Variants in PLXNA4 observed in about 807,000 individuals in gnomAD.
PLXNA4 encodes the protein plexin-A4.
Under a neutral mutation model 191.8 loss-of-function variants are expected in PLXNA4, and 44 were observed. That is an observed-to-expected ratio of 0.23 (90% CI 0.18 to 0.29). The LOEUF is 0.29. PLXNA4 is among the 10% of genes least tolerant of loss of function. The pLI, the probability that PLXNA4 is intolerant of heterozygous loss-of-function variation, is 1.00. For synonymous variants in PLXNA4, 1,082 were observed against 1,009.5 expected (o/e 1.07, Z -1.36); for missense variants, 1,800 against 2,488.8 (o/e 0.72, Z 5.89).
upstream of PLXNA4, among the ~76,000 whole-genome samples, chr7:132,581,264 A>G (rs1409346803): frequency 2.6e-5 from 4 of 152,224 alleles, no homozygotes; most frequent in African/African-American, 9.6e-5. Context: ...GAGGGGAGGA[A>G]CATCCTTGTG....
At chr7:132,463,712 C>A (rs1796599065) in intron 3 of PLXNA4, among the ~76,000 whole-genome samples, 1 of 152,228 alleles carries the variant, frequency 6.6e-6, no homozygotes, top group Non-Finnish European at 1.5e-5. Context: ...CCATGAGGGC[C>A]ACTGTCTCTT....
intron 3 of PLXNA4, among the ~76,000 whole-genome samples, chr7:132,437,339 T>G (rs902138816): frequency 1.3e-5 from 2 of 152,076 alleles, no homozygotes; most frequent in African/African-American, 4.8e-5. Flanking sequence ...CCTTAAAGTA[T>G]CCGAAGAAAT....
Position 132,140,602 on chromosome 7 carries a change from T to C in PLXNA4, c.5435A>G (p.Glu1812Gly). 1 of 1,613,744 alleles carries C rather than the reference T, an allele frequency of 6.2e-7. No individual in the cohort carries two copies. The highest frequency in any genetic ancestry group is 2.2e-5 in the East Asian group (1 of 44,862). ...KDIPSYKNWV[E>G]RYYSDIGKMP... is the part of the protein sequence containing the mutation. ...GGCTCCGTGGCCCAGCACTCACCTC[T>C]CCACCCAATTCTTGTAGCTGGGGAT... is the stretch of plus-strand genomic sequence containing the variant. The change falls in exon 30 of 32, where the codon GAG (glutamate) becomes GGG (glycine). Residue 1812 changes from glutamate (E) to glycine (G), a missense_variant. Around this residue, in one of 6 missense-constraint regions of PLXNA4, gnomAD observed 101 missense variants for 182.8 expected, o/e 0.55. Transcript: ENST00000321063.
intron 4 of PLXNA4, among the ~76,000 whole-genome samples, chr7:132,275,952 G>T (rs546543467): frequency 1.7e-4 from 26 of 152,246 alleles, no homozygotes; most frequent in African/African-American, 6.0e-4. Flanking sequence ...GAAGACATCT[G>T]GTGGCCAGCT....
upstream of PLXNA4, among the ~76,000 whole-genome samples, chr7:132,578,676 A>G (rs1016890065): frequency 1.3e-5 from 2 of 152,152 alleles, no homozygotes; most frequent in Non-Finnish European, 2.9e-5. Flanking sequence ...GCTCTCACCA[A>G]TGAGAAGATG....
At chr7:132,601,677 T>G (rs1029586521) in intron 2 of PLXNA4, among the ~76,000 whole-genome samples, 1 of 152,188 alleles carries the variant, frequency 6.6e-6, no homozygotes, top group African/African-American at 2.4e-5. Context: ...GATGATAGCT[T>G]TTGAACTTCT....
chr7:132,466,733 T>A (rs953758096), intron 3 of PLXNA4, among the ~76,000 whole-genome samples: 1 of 152,218 alleles, frequency 6.6e-6, no homozygotes, highest in Non-Finnish European at 1.5e-5. Flanking sequence ...CACTTCCATC[T>A]TTTCTTTTTC....
intron 31 of PLXNA4, among the ~76,000 whole-genome samples, chr7:132,132,013 C>T (rs767248091): frequency 1.3e-5 from 2 of 152,364 alleles, no homozygotes; most frequent in East Asian, 3.9e-4. Context: ...GCACAAGCTT[C>T]AGCTTCTCTT....
intron 3 of PLXNA4, among the ~76,000 whole-genome samples, chr7:132,331,841 C>T (rs1802601467): frequency 6.6e-6 from 1 of 151,900 alleles, no homozygotes; most frequent in Non-Finnish European, 1.5e-5. Context: ...GATTCTTGGT[C>T]CCATCCTCCC....
At chr7:132,541,416 G>C (rs1334696582) in intron 1 of PLXNA4, among the ~76,000 whole-genome samples, 1 of 152,242 alleles carries the variant, frequency 6.6e-6, no homozygotes, top group African/African-American at 2.4e-5. Context: ...TTCTGCTCTG[G>C]ACAATTCCTG....
At chr7:132,422,856 A>C (rs984437918) in intron 3 of PLXNA4, among the ~76,000 whole-genome samples, 1 of 152,202 alleles carries the variant, frequency 6.6e-6, no homozygotes, top group African/African-American at 2.4e-5. Flanking sequence ...GTAACTCTGG[A>C]TAACCCCAGA....
rs71915138 is a variant in PLXNA4 at position 132,540,569 on chromosome 7, C to CTTTTTTTTTTTTT, written c.-86-31803_-86-31791dup. Among the ~76,000 whole-genome samples, 20 of 61,006 alleles carry CTTTTTTTTTTTTT rather than the reference C, an allele frequency of 3.3e-4. 6 individuals carry two copies. Among genetic ancestry groups the CTTTTTTTTTTTTT allele is most frequent in the South Asian group, 2.1e-3 (2 of 954 alleles). The allele number at this position is 61,006 out of a possible 152,430, so 40.0% of individuals were successfully genotyped here. A position where few individuals can be genotyped will look rare whatever the true frequency, so the allele number is the denominator to read the frequency against. ...AGCAGAAGGTGTAGTGTGGACCGTT[C>CTTTTTTTTTTTTT]TTTTTTTTTTTTTTTTTTTTTTTTT... On this transcript the variant is annotated intron_variant, in intron 1 of 31. Transcript: ENST00000321063.
intron 3 of PLXNA4, among the ~76,000 whole-genome samples, chr7:132,325,403 G>T (rs892638308): frequency 1.3e-5 from 2 of 152,202 alleles, no homozygotes; most frequent in African/African-American, 4.8e-5. Context: ...GTTGTTATGG[G>T]TTGAACTGTG....
intron 1 of PLXNA4, among the ~76,000 whole-genome samples, chr7:132,512,462 G>A (rs926280924): frequency 6.6e-6 from 1 of 152,162 alleles, no homozygotes; most frequent in Admixed American, 6.5e-5. Context: ...ATCTGGGGAT[G>A]GTGAGATTAC....
intron 1 of PLXNA4, among the ~76,000 whole-genome samples, chr7:132,522,008 C>T (rs1276145829): frequency 6.6e-6 from 1 of 152,148 alleles, no homozygotes; most frequent in Non-Finnish European, 1.5e-5. Context: ...CCTTTCAGGA[C>T]CTGCTCAGAA....
At chr7:132,240,737 A>C (rs1798849675) in intron 5 of PLXNA4, among the ~76,000 whole-genome samples, 1 of 152,222 alleles carries the variant, frequency 6.6e-6, no homozygotes, top group Admixed American at 6.5e-5. Context: ...TCTCTAGCCC[A>C]GTAAGCCACA....
chr7:132,492,898 G>A (rs1797861397), intron 2 of PLXNA4, among the ~76,000 whole-genome samples: 1 of 152,236 alleles, frequency 6.6e-6, no homozygotes, highest in Admixed American at 6.5e-5. Context: ...AACAGGGGTA[G>A]AATGGCTGCA....
chr7:132,453,485 A>C (rs1231880118), intron 3 of PLXNA4, among the ~76,000 whole-genome samples: 2 of 152,042 alleles, frequency 1.3e-5, no homozygotes, highest in African/African-American at 4.8e-5. Flanking sequence ...TTCAGGTCTG[A>C]GAACAGTCCC....
intron 22 of PLXNA4, among the ~76,000 whole-genome samples, chr7:132,167,271 C>T (rs1254367680): frequency 6.6e-6 from 1 of 152,162 alleles, no homozygotes; most frequent in African/African-American, 2.4e-5. Context: ...AAGGTTATGT[C>T]TTCACACAGG....
Sources: gnomAD v4.1 joint callset for allele counts (sites outside exome capture counted in the v4.1 genomes callset) on GRCh38, gnomAD v4.1.1 for gene constraint, gnomAD v4.1.1 regional missense constraint, MANE v1.5 for transcripts, NCBI Gene and HGNC (gene_info 2026-07-23, HGNC 2026-07-21) for gene names.